Variants in AMOTL1 observed in about 807,000 individuals in gnomAD.
AMOTL1 encodes the protein angiomotin like 1.
A neutral mutation model predicts 102.9 loss-of-function variants in AMOTL1; 45 were observed. The observed-to-expected ratio is 0.44, with a 90% CI of 0.34 to 0.56. The LOEUF (loss-of-function observed/expected upper bound fraction) is 0.56. Ranked by LOEUF, AMOTL1 falls within the 20% of genes least tolerant of loss-of-function variation. The pLI, the probability that AMOTL1 is intolerant of heterozygous loss-of-function variation, is 0.01. For synonymous variants in AMOTL1, 481 were observed against 484.7 expected (o/e 0.99, Z 0.10); for missense variants, 1,114 against 1,225.6 (o/e 0.91, Z 1.36).
intron 8 of AMOTL1, 78 bp from the exon 9 acceptor site, chr11:94,859,447 C>T: frequency 7.3e-7 from 1 of 1,378,862 alleles, no homozygotes; most frequent in Non-Finnish European, 9.7e-7. Flanking sequence ...TGGGGAACCT[C>T]ATGTGTTCTG....
intron 7 of AMOTL1, among the ~76,000 whole-genome samples, 173 bp from the exon 8 acceptor site, chr11:94,853,760 T>C (rs1952597391): frequency 6.6e-6 from 1 of 152,142 alleles, no homozygotes; most frequent in Non-Finnish European, 1.5e-5. Flanking sequence ...TGGCAGTCTA[T>C]GTGTAAATCT....
chr11:94,833,494 C>T (rs749500721), intron 6 of AMOTL1, among the ~76,000 whole-genome samples: 7 of 152,198 alleles, frequency 4.6e-5, no homozygotes, highest in Non-Finnish European at 8.8e-5. Flanking sequence ...TGTTCTTTAT[C>T]TTATAGAAGA....
At chr11:94,757,557 G>C (rs968840375) in intron 3 of AMOTL1, among the ~76,000 whole-genome samples, 1 of 152,060 alleles carries the variant, frequency 6.6e-6, no homozygotes, top group African/African-American at 2.4e-5. Context: ...TGCTTACATG[G>C]AGGCTTAATA....
intron 1 of AMOTL1, among the ~76,000 whole-genome samples, chr11:94,726,668 T>A (rs1025888759): frequency 5.9e-5 from 9 of 152,214 alleles, no homozygotes; most frequent in Non-Finnish European, 1.2e-4. Flanking sequence ...GGACTTTGTC[T>A]ATGGCAGGGT....
intron 8 of AMOTL1, among the ~76,000 whole-genome samples, 175 bp from the exon 9 acceptor site, chr11:94,859,350 T>C (rs769565831): frequency 7.9e-5 from 12 of 152,132 alleles, no homozygotes; most frequent in Non-Finnish European, 1.5e-4. Context: ...TGGGATAATA[T>C]TGTCGTTTTG....
At chr11:94,840,654 G>GTATATATATATATATATATATATATATA (rs551220386) in intron 6 of AMOTL1, among the ~76,000 whole-genome samples, 2 of 111,286 alleles carry the variant, frequency 1.8e-5, no homozygotes, top group African/African-American at 4.0e-5. Flanking sequence ...CTTAAAAAAC[G>GTATATATATATATATATATATATATATA]TATATATATA....
chr11:94,773,076 T>G (rs142732084), intron 1 of AMOTL1, among the ~76,000 whole-genome samples: 1 of 152,372 alleles, frequency 6.6e-6, no homozygotes, highest in East Asian at 1.9e-4. Flanking sequence ...TTATTTTACT[T>G]TAGAGCTTTA....
intron 1 of AMOTL1, among the ~76,000 whole-genome samples, chr11:94,771,926 A>G (rs1175551333): frequency 6.6e-6 from 1 of 152,232 alleles, no homozygotes; most frequent in Admixed American, 6.5e-5. Context: ...CTGTCGTTCT[A>G]TGGTGTGTGT....
At chr11:94,769,431 T>TC (rs1950910979) in intron 1 of AMOTL1, among the ~76,000 whole-genome samples, 1 of 152,112 alleles carries the variant, frequency 6.6e-6, no homozygotes. Context: ...CTCTAGGGCC[T>TC]CCGCTACCTG....
intron 1 of AMOTL1, among the ~76,000 whole-genome samples, chr11:94,784,204 T>C (rs1951149658): frequency 6.6e-6 from 1 of 152,186 alleles, no homozygotes; most frequent in South Asian, 2.1e-4. Context: ...TACAACCAAC[T>C]AGTGTGTAGT....
chr11:94,713,387 T>C (rs187783838), intron 1 of AMOTL1, among the ~76,000 whole-genome samples: 3 of 152,116 alleles, frequency 2.0e-5, no homozygotes, highest in African/African-American at 7.2e-5. Context: ...ATATAAACTT[T>C]AGAATGAACT....
In AMOTL1 at chr11:94,873,320, A is replaced by C. The variant is rs1015235848; in HGVS notation, c.*2525A>C. 1.3e-5 allele frequency: 2 copies of C among 152,124 alleles called. No individual in the cohort carries two copies. Among genetic ancestry groups the C allele is most frequent in the Non-Finnish European group, 2.9e-5 (2 of 68,018 alleles). The allele number at this position is 152,124 out of a possible 1,614,324, so 9.4% of individuals were successfully genotyped here. ...ACTCTTCCTTAAGAACAGGATCTAT[A>C]GCTTTAAAATGTCTTCTTCTATGGG... On this transcript the variant is annotated 3_prime_UTR_variant, in exon 13 of 13. Transcript: ENST00000433060.
chr11:94,769,639 G>A (rs1391008715), intron 1 of AMOTL1, among the ~76,000 whole-genome samples: 2 of 152,080 alleles, frequency 1.3e-5, no homozygotes, highest in African/African-American at 2.4e-5. Flanking sequence ...CTGTCTCCGC[G>A]TGGCAAATAC....
intron 1 of AMOTL1, among the ~76,000 whole-genome samples, chr11:94,722,023 C>G (rs561868771): frequency 4.6e-5 from 7 of 152,232 alleles, no homozygotes; most frequent in African/African-American, 1.7e-4. Context: ...TTCAGCCTAG[C>G]TCCTTCTCTC....
intron 3 of AMOTL1, among the ~76,000 whole-genome samples, chr11:94,747,361 G>C (rs1291185636): frequency 6.6e-6 from 1 of 152,094 alleles, no homozygotes; most frequent in Non-Finnish European, 1.5e-5. Flanking sequence ...ATGAGTGCCA[G>C]GAGAGGAGTG....
chr11:94,863,250 C>A (rs531569007), intron 9 of AMOTL1, among the ~76,000 whole-genome samples: 3 of 150,984 alleles, frequency 2.0e-5, no homozygotes, highest in South Asian at 2.1e-4. Context: ...ATTAAAGGGG[C>A]CTCTATTTTT....
intron 10 of AMOTL1, 119 bp downstream of exon 10, chr11:94,864,979 C>T: frequency 7.4e-7 from 1 of 1,359,714 alleles, no homozygotes; most frequent in South Asian, 2.0e-5. Context: ...TCCAAAAACT[C>T]TCCTCCCCCA....
chr11:94,734,047 C>G (rs896649287), intron 2 of AMOTL1, among the ~76,000 whole-genome samples: 2 of 152,150 alleles, frequency 1.3e-5, no homozygotes, highest in African/African-American at 4.8e-5. Context: ...ATATATTTCC[C>G]AAAACACCTT....
intron 3 of AMOTL1, among the ~76,000 whole-genome samples, chr11:94,806,721 G>T (rs1951574675): frequency 6.6e-6 from 1 of 152,154 alleles, no homozygotes; most frequent in Non-Finnish European, 1.5e-5. Context: ...ACTTTCTCAG[G>T]AAACCTAACA....
Sources: gnomAD v4.1 joint callset for allele counts (sites outside exome capture counted in the v4.1 genomes callset) on GRCh38, gnomAD v4.1.1 for gene constraint, MANE v1.5 for transcripts, NCBI Gene and HGNC (gene_info 2026-07-23, HGNC 2026-07-21) for gene names.